The following RPS6KC1 variants were observed in gnomAD, a reference collection of about 807,000 sequenced individuals.
RPS6KC1 encodes the protein ribosomal protein S6 kinase C1, also known as inactive ribosomal protein S6 kinase delta-1.
A neutral mutation model predicts 103.8 loss-of-function variants in RPS6KC1; 54 were observed. The ratio of observed to expected loss-of-function variants is 0.52; its 90% CI spans 0.42 to 0.65. RPS6KC1 has a LOEUF of 0.65. Among genes scored for constraint, RPS6KC1 ranks in the 30% least tolerant of loss-of-function variants. The pLI, the probability that RPS6KC1 is intolerant of heterozygous loss-of-function variation, is 0.00. For missense variants in RPS6KC1, 1,151 were observed against 1,253.8 expected (o/e 0.92, Z 1.24); for synonymous variants, 439 against 438.7 (o/e 1.00, Z -0.01).
the RPS6KC1 span, among the ~76,000 whole-genome samples, chr1:213,327,257 A>AAAGG: frequency 6.6e-5 from 10 of 151,836 alleles, no homozygotes; most frequent in African/African-American, 2.4e-4. Context: ...AGAAAGAAAG[A>AAAGG]AAGAAAGAAG....
the RPS6KC1 span, among the ~76,000 whole-genome samples, chr1:213,322,902 C>A: frequency 1.2e-3 from 177 of 148,778 alleles, no homozygotes; most frequent in Non-Finnish European, 2.1e-3. Context: ...TGCCCGCCAC[C>A]ATGCCCAGCT....
chr1:213,604,630 G>T, the RPS6KC1 span, among the ~76,000 whole-genome samples: 1 of 152,282 alleles, frequency 6.6e-6, no homozygotes. Context: ...GTATCTCTCT[G>T]TTGCCAGACC....
At chr1:213,390,694 C>T in the RPS6KC1 span, among the ~76,000 whole-genome samples, 1 of 152,146 alleles carries the variant, frequency 6.6e-6, no homozygotes, top group African/African-American at 2.4e-5. Context: ...TCTCATTGGG[C>T]TGAAATTTTC....
chr1:213,649,132 C>T, the RPS6KC1 span, among the ~76,000 whole-genome samples: 1 of 152,078 alleles, frequency 6.6e-6, no homozygotes, highest in African/African-American at 2.4e-5. Flanking sequence ...TTGCTCCCAT[C>T]CCTTTCCATG....
the RPS6KC1 span, among the ~76,000 whole-genome samples, chr1:213,401,103 A>C: frequency 6.6e-6 from 1 of 152,170 alleles, no homozygotes; most frequent in Admixed American, 6.5e-5. Flanking sequence ...GGCCATGCTT[A>C]GAGCCTTGGA....
At chr1:213,397,582 A>AACACACACAC in the RPS6KC1 span, among the ~76,000 whole-genome samples, 28 of 89,104 alleles carry the variant, frequency 3.1e-4, no homozygotes, top group Admixed American at 1.5e-3. Flanking sequence ...AAGAGTCAGG[A>AACACACACAC]ACACATACAC....
At chr1:213,517,470 CT>C in the RPS6KC1 span, among the ~76,000 whole-genome samples, 1 of 152,140 alleles carries the variant, frequency 6.6e-6, no homozygotes, top group South Asian at 2.1e-4. Context: ...TTGTTTCTGC[CT>C]TCATTTCGTT....
chr1:213,642,624 T>A, the RPS6KC1 span, among the ~76,000 whole-genome samples: 4 of 152,058 alleles, frequency 2.6e-5, no homozygotes, highest in Non-Finnish European at 5.9e-5. Flanking sequence ...ATAGTTTTTA[T>A]CATTATTTGT....
chr1:213,795,402 G>T, the RPS6KC1 span, among the ~76,000 whole-genome samples: 1 of 152,180 alleles, frequency 6.6e-6, no homozygotes, highest in Non-Finnish European at 1.5e-5. Flanking sequence ...CTACAGAAAA[G>T]CCCATAGCCT....
At chr1:213,852,242 T>C in the RPS6KC1 span, among the ~76,000 whole-genome samples, 1 of 152,226 alleles carries the variant, frequency 6.6e-6, no homozygotes, top group African/African-American at 2.4e-5. Flanking sequence ...CTCCTTAGCA[T>C]GGCATACAGA....
intron 4 of RPS6KC1, among the ~76,000 whole-genome samples, chr1:213,108,369 G>A (rs1402747466): frequency 1.3e-5 from 2 of 152,068 alleles, no homozygotes; most frequent in Non-Finnish European, 1.5e-5. Context: ...ATCACCTTGG[G>A]ACTCTTGCTG....
the RPS6KC1 span, among the ~76,000 whole-genome samples, chr1:213,640,003 A>G: frequency 6.6e-6 from 1 of 151,984 alleles, no homozygotes; most frequent in Non-Finnish European, 1.5e-5. Context: ...AAAATTTTCC[A>G]GTAAATTACA....
chr1:213,374,911 C>T, the RPS6KC1 span, among the ~76,000 whole-genome samples: 32 of 152,262 alleles, frequency 2.1e-4, no homozygotes, highest in African/African-American at 6.5e-4. Context: ...ATTTAAAAGG[C>T]GAACAGTTTC....
At chr1:213,521,844 T>C in the RPS6KC1 span, among the ~76,000 whole-genome samples, 1 of 152,226 alleles carries the variant, frequency 6.6e-6, no homozygotes, top group Non-Finnish European at 1.5e-5. Context: ...GTTCTCTTGG[T>C]ATTTCCACCA....
At chr1:213,733,985 A>G in the RPS6KC1 span, among the ~76,000 whole-genome samples, 3 of 152,260 alleles carry the variant, frequency 2.0e-5, no homozygotes, top group Non-Finnish European at 4.4e-5. Context: ...TTAAAATAGC[A>G]TAATGCTTTG....
intron 6 of RPS6KC1, among the ~76,000 whole-genome samples, chr1:213,135,010 CAG>C (rs2086111378): frequency 6.6e-6 from 1 of 152,106 alleles, no homozygotes; most frequent in South Asian, 2.1e-4. Context: ...CCTGATATCT[CAG>C]GGGGAAAGAT....
the RPS6KC1 span, among the ~76,000 whole-genome samples, chr1:213,457,045 G>T: frequency 6.6e-6 from 1 of 152,200 alleles, no homozygotes; most frequent in Non-Finnish European, 1.5e-5. Flanking sequence ...ACACAGAAAG[G>T]TTGTAGAATG....
intron 8 of RPS6KC1, among the ~76,000 whole-genome samples, chr1:213,190,572 G>T (rs1400410890): frequency 1.3e-5 from 2 of 152,046 alleles, no homozygotes; most frequent in African/African-American, 4.8e-5. Context: ...AGATGGGTAG[G>T]TTGCCAATAT....
chr1:213,176,270 C>T, intron 7 of RPS6KC1, 130 bp from the exon 8 acceptor site: 5 of 488,340 alleles, frequency 1.0e-5, no homozygotes, highest in Non-Finnish European at 1.8e-5. Flanking sequence ...ACAGAAACTT[C>T]TTCCTTTCAT....
Sources: allele counts gnomAD v4.1 joint callset (sites outside exome capture counted in the v4.1 genomes callset), GRCh38; gene constraint gnomAD v4.1.1; transcripts MANE v1.5; gene names NCBI Gene and HGNC (gene_info 2026-07-23, HGNC 2026-07-21).